Variants in DENND5A observed in about 807,000 individuals in gnomAD.
DENND5A encodes the protein DENN domain-containing protein 5A.
A neutral mutation model predicts 140.3 loss-of-function variants in DENND5A; 64 were observed. The observed-to-expected ratio is 0.46, with a 90% CI of 0.37 to 0.56. The LOEUF is 0.56. Ranked by LOEUF, DENND5A falls within the 20% of genes least tolerant of loss-of-function variation. The pLI is 0.00. For missense variants in DENND5A, 1,292 were observed against 1,593.8 expected (o/e 0.81, Z 3.22); for synonymous variants, 605 against 607.7 (o/e 1.00, Z 0.07).
intron 1 of DENND5A, among the ~76,000 whole-genome samples, chr11:9,235,078 T>C (rs920097321): frequency 2.0e-5 from 3 of 152,144 alleles, no homozygotes; most frequent in African/African-American, 7.2e-5. Flanking sequence ...ATTTTGGCAG[T>C]TTCTTAAAGT....
intron 1 of DENND5A, among the ~76,000 whole-genome samples, chr11:9,226,497 T>TTTTTTG (rs1192030046): frequency 3.3e-5 from 5 of 152,208 alleles, no homozygotes; most frequent in African/African-American, 1.2e-4. Flanking sequence ...ATCTTCAAGG[T>TTTTTTG]TTTTTGTTTT....
intron 4 of DENND5A, among the ~76,000 whole-genome samples, chr11:9,201,943 C>T (rs972916991): frequency 7.2e-5 from 11 of 152,142 alleles, no homozygotes; most frequent in African/African-American, 2.2e-4. Flanking sequence ...ACCATCTTAA[C>T]CAAGTAAGCA....
intron 8 of DENND5A, among the ~76,000 whole-genome samples, chr11:9,177,749 T>G (rs1273433652): frequency 1.3e-5 from 2 of 149,736 alleles, no homozygotes; most frequent in Non-Finnish European, 3.0e-5. Flanking sequence ...GGCAACAGTA[T>G]GACCATAAAA....
intron 3 of DENND5A, among the ~76,000 whole-genome samples, chr11:9,204,567 A>C (rs562197040): frequency 7.2e-5 from 11 of 152,176 alleles, no homozygotes; most frequent in East Asian, 1.9e-4. Context: ...ATATCAGAAA[A>C]AGCTACAAAA....
chr11:9,250,653 A>T (rs994612711), intron 1 of DENND5A, among the ~76,000 whole-genome samples: 2 of 152,202 alleles, frequency 1.3e-5, no homozygotes, highest in Non-Finnish European at 2.9e-5. Flanking sequence ...AAGCGGGGCT[A>T]AAAAAATTAA....
rs1246024308 is a variant in DENND5A, at chr11:9,139,437, C to G, written c.*234G>C. 2.0e-6 allele frequency: 1 copy of G among 501,376 alleles called. No individual in the cohort carries two copies. The highest frequency in any genetic ancestry group is 3.5e-5 in the East Asian group (1 of 28,748). The allele number at this position is 501,376 out of a possible 1,614,324, so 31.1% of individuals were successfully genotyped here. On this transcript the variant is annotated 3_prime_UTR_variant, in exon 23 of 23. Coordinates refer to ENST00000328194, the MANE Select transcript of DENND5A (RefSeq NM_015213.4). The stretch of plus-strand genomic sequence containing the variant: ...AGGGCACCAGCTTCAAAATAAGCGG[C>G]ACCAGCCTCGCTCCCTCTCCCTATC...
intron 11 of DENND5A, among the ~76,000 whole-genome samples, chr11:9,163,317 C>T (rs1445012925): frequency 2.0e-5 from 3 of 152,174 alleles, no homozygotes; most frequent in Non-Finnish European, 2.9e-5. Flanking sequence ...CCAATTTATA[C>T]TTTCAACAGC....
intron 8 of DENND5A, among the ~76,000 whole-genome samples, chr11:9,177,459 C>A (rs1049068457): frequency 6.7e-6 from 1 of 150,068 alleles, no homozygotes; most frequent in African/African-American, 2.5e-5. Context: ...GAAGACCAGA[C>A]GGAGCATAGC....
At chr11:9,195,344 G>A (rs1241720260) in intron 4 of DENND5A, among the ~76,000 whole-genome samples, 3 of 152,114 alleles carry the variant, frequency 2.0e-5, no homozygotes, top group Non-Finnish European at 4.4e-5. Flanking sequence ...CCAAAGTGCT[G>A]GGATTACAGG....
Position 9,265,226 on chromosome 11 carries a change from G to T in DENND5A, c.-157C>A. On this transcript the variant is annotated 5_prime_UTR_variant, in exon 1 of 23. Coordinates refer to ENST00000328194, the MANE Select transcript of DENND5A (RefSeq NM_015213.4). The surrounding 1 kb of genome is among the most constrained non-coding windows in gnomAD (Gnocchi z 4.7). ...CCCTGGCCCGGTCCCCTCGGCCGCC[G>T]CGGCTGCCGTGACGGGGCGGGGGGG... is the stretch of plus-strand genomic sequence containing the variant. 1 of 274,188 alleles carries T rather than the reference G, an allele frequency of 3.6e-6. No individual in the cohort carries two copies. The highest frequency in any genetic ancestry group is 2.3e-5 in the African/African-American group (1 of 43,650). The allele number at this position is 274,188 out of a possible 1,614,324, so 17.0% of individuals were successfully genotyped here.
chr11:9,233,960 T>C (rs1279938694), intron 1 of DENND5A, among the ~76,000 whole-genome samples: 10 of 152,036 alleles, frequency 6.6e-5, no homozygotes, highest in African/African-American at 1.2e-4. Flanking sequence ...GGTGGATCAC[T>C]TGAGGTCAGG....
chr11:9,201,234 G>C (rs1331070807), intron 4 of DENND5A, among the ~76,000 whole-genome samples: 1 of 151,720 alleles, frequency 6.6e-6, no homozygotes, highest in Non-Finnish European at 1.5e-5. Flanking sequence ...AATTAGCCAG[G>C]CATGGTGGTG....
chr11:9,193,454 C>G lies in DENND5A; in HGVS notation c.1137+40G>C, dbSNP rs367794264. ...ATCCCAAAGCCCTTCTCTCCCCAATCCTGGATTGGGGCCAGAGGCACCAAC... is the reference window on the plus strand; with the variant it reads ...ATCCCAAAGCCCTTCTCTCCCCAATGCTGGATTGGGGCCAGAGGCACCAAC... On this transcript the variant is annotated intron_variant, in intron 5 of 22. Transcript: ENST00000328194. 7.7e-5 allele frequency: 115 copies of G among 1,489,808 alleles called. No homozygotes were observed. The African/African-American group carries it at 1.4e-3, about 19-fold the overall frequency. The allele number at this position is 1,489,808 out of a possible 1,614,324, so 92.3% of individuals were successfully genotyped here.
chr11:9,165,093 G>T (rs1258292721), intron 11 of DENND5A, among the ~76,000 whole-genome samples: 2 of 151,692 alleles, frequency 1.3e-5, no homozygotes, highest in Admixed American at 1.3e-4. Context: ...TCCGCCTCCC[G>T]GGTTCAAGAG....
In DENND5A at chr11:9,204,219, T is replaced by C. The variant is rs1272603090; in HGVS notation, c.390A>G (p.Thr130=). 1 of 1,614,074 alleles carries C rather than the reference T, an allele frequency of 6.2e-7. No individual in the cohort carries two copies. The highest frequency in any genetic ancestry group is 1.1e-5 in the South Asian group (1 of 91,080). ...CATAAAATGTGAGGGCAAACCCAAA[T>C]GTCCGAGAGCCATCCTCCCTTGTGA... is the stretch of plus-strand genomic sequence containing the variant. ...FIITREDGSR[T]FGFALTFYEE... Residue 130 remains threonine (T), a synonymous_variant, in exon 4 of 23, where the codon ACA becomes ACG. Transcript: ENST00000328194.
intron 1 of DENND5A, chr11:9,242,633 T>C (rs1437270069): frequency 6.6e-6 from 1 of 152,146 alleles, no homozygotes; most frequent in African/African-American, 2.4e-5. Context: ...ATGGGGATAA[T>C]ACCATCTAAT....
At chr11:9,173,266 G>C (rs1848433910) in intron 8 of DENND5A, among the ~76,000 whole-genome samples, 1 of 152,194 alleles carries the variant, frequency 6.6e-6, no homozygotes, top group Non-Finnish European at 1.5e-5. Flanking sequence ...GTTAAAGGAA[G>C]TCCTTCTGGC....
intron 1 of DENND5A, among the ~76,000 whole-genome samples, chr11:9,231,073 T>C (rs1850749423): frequency 6.6e-6 from 1 of 152,178 alleles, no homozygotes; most frequent in African/African-American, 2.4e-5. Context: ...ATGTAAAGCA[T>C]ATGGGACACA....
intron 1 of DENND5A, among the ~76,000 whole-genome samples, chr11:9,212,737 CAG>C (rs1283437890): frequency 2.0e-5 from 3 of 152,022 alleles, no homozygotes; most frequent in Admixed American, 6.6e-5. Flanking sequence ...TCAGGCAAAA[CAG>C]AGAGAATTCA....
Sources: gnomAD v4.1 joint callset for allele counts (sites outside exome capture counted in the v4.1 genomes callset) on GRCh38, gnomAD v4.1.1 for gene constraint, Gnocchi (gnomAD v3.1) non-coding constraint, MANE v1.5 for transcripts, NCBI Gene and HGNC (gene_info 2026-07-23, HGNC 2026-07-21) for gene names.